MRTFA: variants seen among roughly 807,000 people sequenced by gnomAD.
MRTFA encodes the protein myocardin related transcription factor A, also known as myocardin-related transcription factor A.
Under a neutral mutation model 83.5 loss-of-function variants are expected in MRTFA, and 20 were observed. The ratio of observed to expected loss-of-function variants is 0.24; its 90% CI spans 0.17 to 0.35. The LOEUF (loss-of-function observed/expected upper bound fraction) is 0.35, where lower values mean the gene tolerates loss of function less well. Among genes scored for constraint, MRTFA ranks in the 10% least tolerant of loss-of-function variants. The pLI is 1.00. For synonymous variants in MRTFA, 659 were observed against 541.2 expected, an observed-to-expected ratio of 1.22 and a Z score of -3.02; for missense variants, 1,200 against 1,224.7, an observed-to-expected ratio of 0.98 and a Z score of 0.30.
intron 3 of MRTFA, among the ~76,000 whole-genome samples, chr22:40,536,449 G>C (rs1391322789): frequency 1.4e-5 from 2 of 147,830 alleles, no homozygotes; most frequent in African/African-American, 5.0e-5. Flanking sequence ...CGGGCCCCGC[G>C]GGGCCCGAGG....
intron 4 of MRTFA, among the ~76,000 whole-genome samples, chr22:40,440,534 A>C (rs939798462): frequency 1.3e-5 from 2 of 152,214 alleles, no homozygotes; most frequent in Non-Finnish European, 2.9e-5. Flanking sequence ...GCCAGGTGAA[A>C]GGAGGAGGGA....
At chr22:40,413,166 G>T (rs1443062071) in intron 14 of MRTFA, among the ~76,000 whole-genome samples, 1 of 136,238 alleles carries the variant, frequency 7.3e-6, no homozygotes, top group Non-Finnish European at 1.6e-5. Flanking sequence ...AAAAAAAAAG[G>T]TTATGATGGG....
intron 1 of MRTFA, among the ~76,000 whole-genome samples, chr22:40,631,951 C>A (rs1015324722): frequency 1.3e-5 from 2 of 152,170 alleles, no homozygotes; most frequent in African/African-American, 4.8e-5. Context: ...CCAAGATGGC[C>A]CCCAATGACC....
In MRTFA at chr22:40,423,659, C is replaced by T; in HGVS notation, c.804G>A (p.Arg268=). The stretch of plus-strand genomic sequence containing the variant: ...CCAGGAAAAGCATTTCTCTGGAATC[C>T]CGGCCCATCGGAAGTTGAGACACAA... Residue 268 remains arginine, a synonymous_variant, in exon 9 of 15, where the codon CGG becomes CGA. Coordinates refer to ENST00000355630, the MANE Select transcript of MRTFA (RefSeq NM_020831.6). 1 of 1,576,360 alleles carries T rather than the reference C, an allele frequency of 6.3e-7. No individual in the cohort carries two copies. Among genetic ancestry groups the T allele is most frequent in the South Asian group, 1.2e-5 (1 of 84,736 alleles).
At chr22:40,598,128 C>G (rs959346353) in intron 1 of MRTFA, among the ~76,000 whole-genome samples, 7 of 152,094 alleles carry the variant, frequency 4.6e-5, no homozygotes, top group African/African-American at 1.7e-4. Context: ...TTACATTAAT[C>G]TCAAATTAAG....
chr22:40,583,830 C>T (rs938307692), intron 2 of MRTFA, among the ~76,000 whole-genome samples: 2 of 152,296 alleles, frequency 1.3e-5, no homozygotes, highest in South Asian at 2.1e-4. Context: ...CTTTCTTCCA[C>T]GAAACTGGTC....
chr22:40,427,999 C>A (rs1307095987), intron 7 of MRTFA, among the ~76,000 whole-genome samples: 1 of 152,154 alleles, frequency 6.6e-6, no homozygotes, highest in Non-Finnish European at 1.5e-5. Context: ...AGTTCCAATA[C>A]CACCATTCCC....
chr22:40,417,166 T>A (rs931218979), intron 13 of MRTFA, 120 bp from the exon 14 acceptor site: 8 of 1,377,508 alleles, frequency 5.8e-6, no homozygotes, highest in Non-Finnish European at 7.9e-6. Flanking sequence ...ACAGGACCCA[T>A]GGGCGTGCCC....
intron 4 of MRTFA, among the ~76,000 whole-genome samples, chr22:40,441,587 C>T (rs565764100): frequency 1.6e-3 from 239 of 152,206 alleles, no homozygotes; most frequent in African/African-American, 5.5e-3. Flanking sequence ...GAGTTCGAGA[C>T]CAGCCTGGCC....
In MRTFA at chr22:40,554,405, A is replaced by C. The variant is rs111457089; in HGVS notation, c.-21-2038T>G. On this transcript the variant is annotated intron_variant, in intron 2 of 14. Coordinates refer to ENST00000355630, the MANE Select transcript of MRTFA (RefSeq NM_020831.6). Reference sequence around the variant, plus strand: ...GGGACCCAGTGGGAGGTAATTGAATAATGGGAGTGGTTACCTCCATGCTGT... The same window carrying C: ...GGGACCCAGTGGGAGGTAATTGAATCATGGGAGTGGTTACCTCCATGCTGT... Among the ~76,000 whole-genome samples the C allele has an allele frequency of 3.3e-3, 495 of 152,292 alleles. 5 individuals carry two copies. Among genetic ancestry groups the C allele is most frequent in the African/African-American group, 0.011 (472 of 41,570 alleles).
chr22:40,463,289 G>T lies in MRTFA; in HGVS notation c.242-3C>A. 1 of 1,613,718 alleles carries T rather than the reference G, an allele frequency of 6.2e-7. No homozygotes were observed. Among genetic ancestry groups the T allele is most frequent in the Non-Finnish European group, 8.5e-7 (1 of 1,179,688 alleles). ...CTGCTGGAGTTTCAACTGTAGCACT[G>T]CAGGGCAGCAGAGAGAGAGGAGAGA... On this transcript the variant is annotated splice_polypyrimidine_tract_variant and splice_region_variant and intron_variant, in intron 3 of 14. Coordinates refer to ENST00000355630, the MANE Select transcript of MRTFA (RefSeq NM_020831.6).
chr22:40,632,084 G>C (rs564891596), intron 1 of MRTFA, among the ~76,000 whole-genome samples: 1 of 152,270 alleles, frequency 6.6e-6, no homozygotes, highest in African/African-American at 2.4e-5. Flanking sequence ...GCAGCAGCTT[G>C]GTCTTTTGTA....
chr22:40,412,129 A>G, intron 14 of MRTFA: 1 of 392,566 alleles, frequency 2.5e-6, no homozygotes, highest in Non-Finnish European at 4.4e-6. Flanking sequence ...GAGAACTTCT[A>G]AAACTCAACA....
chr22:40,531,715 G>A (rs2147276836), intron 3 of MRTFA, among the ~76,000 whole-genome samples: 1 of 152,212 alleles, frequency 6.6e-6, no homozygotes, highest in African/African-American at 2.4e-5. Context: ...ATGGCTTTTA[G>A]TTCACTGAGG....
rs559210587 is a variant in MRTFA at position 40,574,114 on chromosome 22, AAAAC to A, written c.-22+20556_-22+20559del. 5.3e-3 allele frequency among the ~76,000 whole-genome samples: 808 copies of A among 152,282 alleles called. 1 individual carries two copies. Among genetic ancestry groups the A allele is most frequent in the Middle Eastern group, 0.02 (6 of 294 alleles). On this transcript the variant is annotated intron_variant, in intron 2 of 14. Transcript: ENST00000355630. Reference sequence around the variant, plus strand: ...CTTTTCCTGTGAGTGCATGGTGGTAAAAACAAACAATGACCATGATACAGTCTGG... The same window carrying A: ...CTTTTCCTGTGAGTGCATGGTGGTAAAAACAATGACCATGATACAGTCTGG...
intron 2 of MRTFA, among the ~76,000 whole-genome samples, chr22:40,555,125 C>T (rs1569325878): frequency 6.6e-6 from 1 of 152,208 alleles, no homozygotes. Context: ...AGGAACTTAT[C>T]TCCAGATGAG....
At position 40,552,221 on chromosome 22, in the gene MRTFA, G is replaced by A. The variant is rs2055453036; in HGVS notation, c.126C>T (p.Pro42=). The A allele has an allele frequency of 5.0e-6, 2 of 399,038 alleles. No homozygotes were observed. Among genetic ancestry groups the A allele is most frequent in the Middle Eastern group, 6.3e-4 (1 of 1,588 alleles). 24.7% of individuals were successfully genotyped at this position (399,038 alleles called of 1,614,324 possible). A position where few individuals can be genotyped will look rare whatever the true frequency, so the allele number is the denominator to read the frequency against. Residue 42 remains proline (P), a synonymous_variant, in exon 3 of 15, where the codon CCC becomes CCT. Coordinates refer to ENST00000355630, the MANE Select transcript of MRTFA (RefSeq NM_020831.6). The stretch of plus-strand genomic sequence containing the variant: ...GTTCATTGGCAACAGCTTCACTCTG[G>A]GGACTGGGTGCCGCAGATAAGGACA...
At chr22:40,484,403 A>G (rs1430995872) in intron 3 of MRTFA, among the ~76,000 whole-genome samples, 1 of 152,120 alleles carries the variant, frequency 6.6e-6, no homozygotes, top group Admixed American at 6.5e-5. Flanking sequence ...AAACACATAA[A>G]GGAGAAGCCA....
At chr22:40,469,339 T>C (rs1017915114) in intron 3 of MRTFA, among the ~76,000 whole-genome samples, 2 of 152,140 alleles carry the variant, frequency 1.3e-5, no homozygotes, top group Admixed American at 6.6e-5. Context: ...TTTTAGCTCA[T>C]GTGCATGCTG....
Sources: gnomAD v4.1 joint callset for allele counts (sites outside exome capture counted in the v4.1 genomes callset) on GRCh38, gnomAD v4.1.1 for gene constraint, MANE v1.5 for transcripts, NCBI Gene and HGNC (gene_info 2026-07-23, HGNC 2026-07-21) for gene names.